PRDM5: variants seen among roughly 807,000 people sequenced by gnomAD.
The protein encoded by PRDM5 is PR domain zinc finger protein 5.
In PRDM5, 56 loss-of-function variants were observed where a neutral mutation model predicts 81.2. That is an observed-to-expected ratio of 0.69 (90% CI 0.56 to 0.86). The LOEUF (loss-of-function observed/expected upper bound fraction) is 0.86. Ranked by LOEUF, PRDM5 falls within the 40% of genes least tolerant of loss-of-function variation. The pLI is 0.00. For missense variants in PRDM5, 697 were observed against 770.1 expected, an observed-to-expected ratio of 0.91 and a Z score of 1.12; for synonymous variants, 267 against 256.4, an observed-to-expected ratio of 1.04 and a Z score of -0.39.
intron 2 of PRDM5, among the ~76,000 whole-genome samples, chr4:120,869,926 G>T (rs922254177): frequency 6.6e-5 from 10 of 151,984 alleles, no homozygotes; most frequent in Non-Finnish European, 4.4e-5. Flanking sequence ...TTTAAAGTCT[G>T]CCAAAGTCTA....
intron 2 of PRDM5, among the ~76,000 whole-genome samples, chr4:120,900,440 TC>T (rs775696716): frequency 1.3e-5 from 2 of 152,326 alleles, no homozygotes; most frequent in East Asian, 3.9e-4. Flanking sequence ...AATATAGATT[TC>T]ATAATATCAT....
chr4:120,875,439 T>C (rs923684194), intron 2 of PRDM5, among the ~76,000 whole-genome samples: 2 of 152,230 alleles, frequency 1.3e-5, no homozygotes, highest in Non-Finnish European at 2.9e-5. Context: ...CAGTGTCAGA[T>C]GGTCATGGCA....
At chr4:120,788,278 T>C (rs940226125) in intron 10 of PRDM5, among the ~76,000 whole-genome samples, 5 of 152,180 alleles carry the variant, frequency 3.3e-5, no homozygotes, top group South Asian at 2.1e-4. Flanking sequence ...ATATGAAAAG[T>C]CATGCATATC....
chr4:120,907,909 A>C (rs866522667), intron 1 of PRDM5, among the ~76,000 whole-genome samples: 40 of 152,348 alleles, frequency 2.6e-4, no homozygotes, highest in African/African-American at 9.1e-4. Flanking sequence ...GACTTGAGAG[A>C]CAAGCCCACC....
chr4:120,818,246 G>T (rs188834856), intron 5 of PRDM5, 107 bp downstream of exon 5: 121 of 1,185,288 alleles, frequency 1.0e-4, no homozygotes, highest in Non-Finnish European at 1.4e-4. Context: ...AAACATGCGC[G>T]TGCGCGCGTG....
At chr4:120,839,696 G>C (rs1030646488) in intron 3 of PRDM5, among the ~76,000 whole-genome samples, 7 of 152,166 alleles carry the variant, frequency 4.6e-5, no homozygotes, top group Admixed American at 3.3e-4. Flanking sequence ...CCTGAAGGTG[G>C]GGCCTCACCG....
chr4:120,807,610 C>T (rs750451316), intron 8 of PRDM5, among the ~76,000 whole-genome samples: 16 of 152,002 alleles, frequency 1.1e-4, no homozygotes, highest in Admixed American at 7.9e-4. Context: ...ACTATGTGTC[C>T]GGAATTGGTG....
In PRDM5 at chr4:120,816,894, T is replaced by C. The variant is rs343192; in HGVS notation, c.681A>G (p.Leu227=). The C allele has an allele frequency of 0.31, 493,748 of 1,611,724 alleles. 77,497 individuals carry two copies. Among genetic ancestry groups the C allele is most frequent in the East Asian group, 0.39 (17,275 of 44,850 alleles). Residue 227 remains leucine (L), a synonymous_variant, in exon 6 of 16, where the codon CTA becomes CTG. Coordinates refer to ENST00000264808, the MANE Select transcript of PRDM5 (RefSeq NM_018699.4). Reference sequence around the variant, plus strand: ...ACTGAAAACTTCGCGAAGACTCCTTTAGACTGCTTTTCGCTGTGCACTGAA... The same window carrying C: ...ACTGAAAACTTCGCGAAGACTCCTTCAGACTGCTTTTCGCTGTGCACTGAA... ...HVLQCTAKSS[L]KESSRSFQCS...
chr4:120,833,703 G>C (rs1167553641), intron 3 of PRDM5, among the ~76,000 whole-genome samples: 1 of 152,124 alleles, frequency 6.6e-6, no homozygotes, highest in African/African-American at 2.4e-5. Context: ...GTGGATAGAA[G>C]ACAGGAACAG....
At chr4:120,772,175 C>T (rs1385581227) in intron 13 of PRDM5, among the ~76,000 whole-genome samples, 1 of 152,112 alleles carries the variant, frequency 6.6e-6, no homozygotes, top group Non-Finnish European at 1.5e-5. Context: ...ATCACGGCAA[C>T]TCTCTAGGCG....
intron 3 of PRDM5, among the ~76,000 whole-genome samples, chr4:120,846,603 T>G (rs6828945): frequency 0.75 from 113,608 of 152,138 alleles, 42,638 homozygotes; most frequent in East Asian, 0.88. Context: ...ACCAAAGATG[T>G]TATGGTGTTT....
At chr4:120,785,890 TA>T (rs1014465278) in intron 10 of PRDM5, among the ~76,000 whole-genome samples, 3 of 152,022 alleles carry the variant, frequency 2.0e-5, no homozygotes, top group African/African-American at 7.2e-5. Flanking sequence ...TAACTAGATC[TA>T]AAATTCAAAA....
At chr4:120,822,973 G>C (rs900168968) in intron 3 of PRDM5, among the ~76,000 whole-genome samples, 6 of 152,172 alleles carry the variant, frequency 3.9e-5, no homozygotes, top group African/African-American at 1.4e-4. Flanking sequence ...GGTATTCTTA[G>C]TGCAACAAAA....
intron 1 of PRDM5, among the ~76,000 whole-genome samples, chr4:120,686,461 C>T (rs2173001): frequency 0.25 from 37,418 of 151,960 alleles, 5,328 homozygotes; most frequent in East Asian, 0.61. Context: ...GTGCTTCTAA[C>T]TGATAATCTT....
At chr4:120,688,411 T>C (rs1733912853), downstream of PRDM5, among the ~76,000 whole-genome samples, 1 of 152,166 alleles carries the variant, frequency 6.6e-6, no homozygotes, top group Non-Finnish European at 1.5e-5. Flanking sequence ...TTGCAAATGT[T>C]TTCTCCCATT....
intron 13 of PRDM5, among the ~76,000 whole-genome samples, chr4:120,769,126 C>A (rs1746846831): frequency 6.6e-6 from 1 of 152,190 alleles, no homozygotes; most frequent in Non-Finnish European, 1.5e-5. Context: ...ACTCTGAACC[C>A]ATGCATCCTT....
At chr4:120,698,682 A>T (rs773515642) in intron 15 of PRDM5, among the ~76,000 whole-genome samples, 7 of 152,158 alleles carry the variant, frequency 4.6e-5, no homozygotes, top group Non-Finnish European at 8.8e-5. Context: ...CTTGTCTTTC[A>T]AACCTAAGTC....
intron 8 of PRDM5, among the ~76,000 whole-genome samples, chr4:120,807,317 A>G (rs1373761675): frequency 6.6e-6 from 1 of 152,244 alleles, no homozygotes; most frequent in Non-Finnish European, 1.5e-5. Context: ...CTAGAACTAG[A>G]AATACCATTT....
At chr4:120,753,066 T>C (rs577693713) in intron 14 of PRDM5, among the ~76,000 whole-genome samples, 2 of 152,334 alleles carry the variant, frequency 1.3e-5, no homozygotes, top group South Asian at 2.1e-4. Flanking sequence ...GTTGTAATCA[T>C]GTCTATCTTC....
Sources: allele counts gnomAD v4.1 joint callset (sites outside exome capture counted in the v4.1 genomes callset), GRCh38; gene constraint gnomAD v4.1.1; transcripts MANE v1.5; gene names NCBI Gene and HGNC (gene_info 2026-07-23, HGNC 2026-07-21).